The following SPAG17 variants were observed in gnomAD, a reference collection of about 807,000 sequenced individuals.
SPAG17 encodes sperm-associated antigen 17.
Under a neutral mutation model 273.6 loss-of-function variants are expected in SPAG17, and 169 were observed. That is an observed-to-expected ratio of 0.62 (90% CI 0.55 to 0.70). The LOEUF (loss-of-function observed/expected upper bound fraction) is 0.70. Ranked by LOEUF, SPAG17 falls within the 30% of genes least tolerant of loss-of-function variation. SPAG17 has a pLI of 0.00. For missense variants in SPAG17, 2,557 were observed against 2,627.8 expected (o/e 0.97, Z 0.59); for synonymous variants, 825 against 873.2 (o/e 0.94, Z 0.97).
chr1:118,128,105 A>G (rs554078716), intron 3 of SPAG17, among the ~76,000 whole-genome samples: 6 of 152,102 alleles, frequency 3.9e-5, no homozygotes, highest in African/African-American at 1.4e-4. Flanking sequence ...CTGGCGACAC[A>G]GCAAGATTCC....
At chr1:118,150,666 C>G (rs7550033) in intron 2 of SPAG17, 37 bp from the exon 3 acceptor site, 5 of 1,232,546 alleles carry the variant, frequency 4.1e-6, no homozygotes, top group South Asian at 1.3e-5. Context: ...ATGAAAAAAG[C>G]CTTATTTGAA....
chr1:118,015,453 T>A (rs1557909138), intron 29 of SPAG17, among the ~76,000 whole-genome samples: 1 of 152,188 alleles, frequency 6.6e-6, no homozygotes, highest in Admixed American at 6.5e-5. Flanking sequence ...AGTTATTTAA[T>A]GTGTGTCTTA....
At chr1:118,053,087 G>A (rs1651254642) in intron 20 of SPAG17, among the ~76,000 whole-genome samples, 1 of 151,916 alleles carries the variant, frequency 6.6e-6, no homozygotes, top group Non-Finnish European at 1.5e-5. Context: ...GTTTTTTATA[G>A]AAATGCAAAT....
rs1270148553 is a variant in SPAG17, at chr1:117,959,496, C to G, written c.*4303G>C. ...TTTTTCAACTTTTTCCTTTAAAGGA[C>G]TCCTAAACTAAGCACAGAAGAGTTG... On this transcript the variant is annotated intron_variant, in intron 48 of 48. Transcript: ENST00000336338. 2.6e-6 allele frequency: 4 copies of G among 1,511,498 alleles called. No individual in the cohort carries two copies. In the Admixed American group the frequency reaches 9.3e-5, roughly 35 times the overall value. 93.6% of individuals were successfully genotyped at this position (1,511,498 alleles called of 1,614,324 possible). A position where few individuals can be genotyped will look rare whatever the true frequency, so the allele number is the denominator to read the frequency against.
At chr1:118,110,121 A>C (rs751672826) in intron 4 of SPAG17, among the ~76,000 whole-genome samples, 25 of 152,216 alleles carry the variant, frequency 1.6e-4, no homozygotes, top group Non-Finnish European at 3.2e-4. Context: ...CAAAATATGG[A>C]GACTTCTATA....
At chr1:118,153,402 T>C (rs1294192594) in intron 1 of SPAG17, among the ~76,000 whole-genome samples, 1 of 152,244 alleles carries the variant, frequency 6.6e-6, no homozygotes, top group Non-Finnish European at 1.5e-5. Flanking sequence ...CTTACAACTT[T>C]GTGATCATTT....
intron 3 of SPAG17, among the ~76,000 whole-genome samples, chr1:118,130,771 C>T (rs1658014707): frequency 1.3e-5 from 2 of 152,130 alleles, no homozygotes; most frequent in Non-Finnish European, 2.9e-5. Context: ...ATCCAATAAC[C>T]TAATGATAAA....
intron 24 of SPAG17, among the ~76,000 whole-genome samples, chr1:118,033,147 T>C (rs1648678402): frequency 1.3e-5 from 2 of 152,150 alleles, no homozygotes; most frequent in African/African-American, 4.8e-5. Context: ...GGGCTCCAAT[T>C]GTCATCTACA....
intron 4 of SPAG17, among the ~76,000 whole-genome samples, chr1:118,106,844 C>T (rs1465189583): frequency 6.6e-6 from 1 of 152,188 alleles, no homozygotes; most frequent in East Asian, 1.9e-4. Flanking sequence ...CCAGGTTCTC[C>T]TAGGTAGGGT....
At chr1:118,175,219 G>A (rs550393538) in intron 1 of SPAG17, among the ~76,000 whole-genome samples, 4 of 151,946 alleles carry the variant, frequency 2.6e-5, no homozygotes, top group South Asian at 2.1e-4. Flanking sequence ...TAGTAGAAAC[G>A]GGGTTTCACC....
chr1:118,025,071 A>G (rs1234796601), intron 27 of SPAG17, among the ~76,000 whole-genome samples, 167 bp downstream of exon 27: 1 of 152,188 alleles, frequency 6.6e-6, no homozygotes, highest in African/African-American at 2.4e-5. Context: ...TGCTCTGCAT[A>G]TAGTGTTTTT....
chr1:117,960,140 G>GTGTGTGTGTA lies in SPAG17; in HGVS notation c.*3658_*3659insTACACACACA, dbSNP rs1166919391. The GTGTGTGTGTA allele has an allele frequency of 2.0e-5, 3 of 149,944 alleles. No homozygotes were observed. The East Asian group carries it at 5.9e-4, about 29-fold the overall frequency. 9.3% of individuals were successfully genotyped at this position (149,944 alleles called of 1,614,324 possible). On this transcript the variant is annotated intron_variant, in intron 48 of 48. Transcript: ENST00000336338. ...TGTGTGTGTGTGTGTGTGTGTGTGT[G>GTGTGTGTGTA]TGTGTGTATGTGTATGTGTATGTAC...
intron 4 of SPAG17, among the ~76,000 whole-genome samples, chr1:118,114,732 T>C (rs1406544312): frequency 6.6e-6 from 1 of 152,210 alleles, no homozygotes; most frequent in Non-Finnish European, 1.5e-5. Flanking sequence ...ATTTTTCATA[T>C]GCAAATATGA....
At chr1:118,073,375 C>A (rs1030905532) in intron 17 of SPAG17, among the ~76,000 whole-genome samples, 1 of 152,108 alleles carries the variant, frequency 6.6e-6, no homozygotes, top group East Asian at 1.9e-4. Context: ...ATTAAATGAG[C>A]TAATAATACA....
At chr1:118,178,105 AAAC>A (rs1388451847) in intron 1 of SPAG17, among the ~76,000 whole-genome samples, 1 of 152,126 alleles carries the variant, frequency 6.6e-6, no homozygotes. Flanking sequence ...CCACATAAAG[AAAC>A]AACAACGTAA....
intron 30 of SPAG17, among the ~76,000 whole-genome samples, chr1:118,008,826 A>T (rs1659176162): frequency 6.6e-6 from 1 of 152,194 alleles, no homozygotes; most frequent in African/African-American, 2.4e-5. Context: ...CTATACATAT[A>T]TGTGTGCATA....
intron 1 of SPAG17, among the ~76,000 whole-genome samples, chr1:118,179,972 GA>G (rs553650133): frequency 1.7e-3 from 266 of 152,064 alleles, no homozygotes; most frequent in African/African-American, 4.9e-3. Context: ...GGAGAAAGAG[GA>G]ACTCTTGTAT....
chr1:118,067,376 G>C (rs1653088847), intron 17 of SPAG17, among the ~76,000 whole-genome samples: 1 of 152,208 alleles, frequency 6.6e-6, no homozygotes, highest in African/African-American at 2.4e-5. Flanking sequence ...AATTAGGTTT[G>C]ATGGGGTCAT....
intron 28 of SPAG17, among the ~76,000 whole-genome samples, chr1:118,020,387 T>A (rs1660383188): frequency 6.6e-6 from 1 of 150,688 alleles, no homozygotes; most frequent in Non-Finnish European, 1.5e-5. Flanking sequence ...TGAGCTGAGA[T>A]CACGCCATTG....
Sources: allele counts gnomAD v4.1 joint callset (sites outside exome capture counted in the v4.1 genomes callset), GRCh38; gene constraint gnomAD v4.1.1; transcripts MANE v1.5; gene names NCBI Gene and HGNC (gene_info 2026-07-23, HGNC 2026-07-21).